NCK2: variants seen among roughly 807,000 people sequenced by gnomAD.
NCK2 encodes NCK adaptor protein 2.
In NCK2, 16 loss-of-function variants were observed where a neutral mutation model predicts 33.9. That is an observed-to-expected ratio of 0.47 (90% confidence interval 0.32 to 0.72). The LOEUF (loss-of-function observed/expected upper bound fraction) is 0.72, where lower values mean the gene tolerates loss of function less well. Among genes scored for constraint, NCK2 ranks in the 30% least tolerant of loss-of-function variants. The probability of loss-of-function intolerance (pLI) is 0.03; values close to 1 mark genes in which losing one functional copy is unlikely to be tolerated. For missense variants in NCK2, 418 were observed against 537.3 expected (o/e 0.78, Z 2.19); for synonymous variants, 273 against 239.9 (o/e 1.14, Z -1.27).
chr2:105,758,582 G>A (rs901616589), intron 1 of NCK2, among the ~76,000 whole-genome samples: 8 of 151,722 alleles, frequency 5.3e-5, no homozygotes, highest in Non-Finnish European at 8.8e-5. Flanking sequence ...GCTAATTTTC[G>A]TATTTTTAGT....
intron 1 of NCK2, among the ~76,000 whole-genome samples, chr2:105,750,704 AT>A (rs1689429316): frequency 6.6e-6 from 1 of 152,206 alleles, no homozygotes. Context: ...TCTTGACTTG[AT>A]TTCATTTATG....
chr2:105,878,232 T>A (rs529582876), intron 3 of NCK2, among the ~76,000 whole-genome samples: 7 of 152,356 alleles, frequency 4.6e-5, no homozygotes, highest in Non-Finnish European at 8.8e-5. Flanking sequence ...CTTCCTGTGC[T>A]TTATAGCATC....
At chr2:105,767,766 T>A (rs1689994352) in intron 1 of NCK2, among the ~76,000 whole-genome samples, 1 of 152,194 alleles carries the variant, frequency 6.6e-6, no homozygotes, top group African/African-American at 2.4e-5. Flanking sequence ...GGTTTGAGGT[T>A]TCCGTGCCCG....
intron 4 of NCK2, among the ~76,000 whole-genome samples, chr2:105,884,349 G>A (rs531683563): frequency 6.6e-6 from 1 of 152,142 alleles, no homozygotes; most frequent in Non-Finnish European, 1.5e-5. Flanking sequence ...GAGCCCTTAG[G>A]TTCATGATCT....
intron 1 of NCK2, among the ~76,000 whole-genome samples, chr2:105,765,454 T>C (rs553262549): frequency 1.3e-5 from 2 of 152,330 alleles, no homozygotes; most frequent in South Asian, 4.1e-4. Flanking sequence ...TCTTGGCTTT[T>C]CCTTTCGAGC....
chr2:105,839,974 T>C (rs1573186219), intron 2 of NCK2, among the ~76,000 whole-genome samples: 1 of 152,088 alleles, frequency 6.6e-6, no homozygotes, highest in Non-Finnish European at 1.5e-5. Flanking sequence ...TCTGCTGTAG[T>C]GGACATGCAG....
intron 1 of NCK2, among the ~76,000 whole-genome samples, chr2:105,751,520 C>G (rs545790126): frequency 1.3e-5 from 2 of 152,182 alleles, no homozygotes; most frequent in African/African-American, 4.8e-5. Flanking sequence ...CTGTTTCTCC[C>G]AGCATCTAAA....
intron 1 of NCK2, among the ~76,000 whole-genome samples, chr2:105,793,723 A>C (rs1690973811): frequency 6.6e-6 from 1 of 152,232 alleles, no homozygotes; most frequent in African/African-American, 2.4e-5. Context: ...AGCCTTGGCC[A>C]GCGAAAGCTG....
intron 1 of NCK2, among the ~76,000 whole-genome samples, chr2:105,761,835 A>G (rs1322627118): frequency 6.6e-6 from 1 of 152,230 alleles, no homozygotes; most frequent in African/African-American, 2.4e-5. Context: ...AGCCGTGATC[A>G]GGCCCCTGTA....
At chr2:105,765,665 G>GTT (rs1689911324) in intron 1 of NCK2, among the ~76,000 whole-genome samples, 1 of 125,682 alleles carries the variant, frequency 8.0e-6, no homozygotes, top group Admixed American at 8.2e-5. Context: ...GTGGGTAGTG[G>GTT]GTTTTTTTTT....
intron 3 of NCK2, among the ~76,000 whole-genome samples, chr2:105,868,805 C>T (rs557717863): frequency 1.9e-4 from 29 of 152,294 alleles, no homozygotes; most frequent in Middle Eastern, 3.4e-3. Flanking sequence ...TCTGGAAAGG[C>T]GATAGCCTGG....
intron 1 of NCK2, among the ~76,000 whole-genome samples, chr2:105,790,775 G>C (rs1312436756): frequency 6.6e-6 from 1 of 152,178 alleles, no homozygotes; most frequent in Non-Finnish European, 1.5e-5. Context: ...TGTCCAGGTG[G>C]GTCTCTCGCT....
intron 1 of NCK2, among the ~76,000 whole-genome samples, chr2:105,750,037 A>AACACACACACACACACACACAC (rs72315025): frequency 0.017 from 2,509 of 144,454 alleles, 46 homozygotes; most frequent in East Asian, 0.043. Context: ...AAAGCAAACA[A>AACACACACACACACACACACAC]ACACACACAC....
rs182208474 is a variant in NCK2, at chr2:105,871,893, C to T, written c.227-9435C>T. ...ACCTTAGAGAGCGGGGAGGAAACTA[C>T]ATGACACCTGACAACAACAGGAACC... is the stretch of plus-strand genomic sequence containing the variant. On this transcript the variant is annotated intron_variant, in intron 3 of 4. Transcript: ENST00000233154. Among the ~76,000 whole-genome samples the T allele has an allele frequency of 1.0e-3, 156 of 152,286 alleles. 2 individuals are homozygous for T. Among genetic ancestry groups the T allele is most frequent in the African/African-American group, 3.7e-3 (152 of 41,572 alleles).
chr2:105,777,195 C>T (rs10178272), intron 1 of NCK2, among the ~76,000 whole-genome samples: 1 of 152,086 alleles, frequency 6.6e-6, no homozygotes, highest in Non-Finnish European at 1.5e-5. Context: ...ACCTTCTACT[C>T]TCGTCACTGC....
rs983511937 is a variant in NCK2 at position 105,766,385 on chromosome 2, G to A, written c.-201+21247G>A. Among the ~76,000 whole-genome samples the A allele has an allele frequency of 4.6e-5, 7 of 152,070 alleles. No homozygotes were observed. In the East Asian group the frequency reaches 7.7e-4, roughly 17 times the overall value. ...GTTGCCCAGGCTGGAGTGCAGTGCC[G>A]CCATCATGGCTCACTGTGGCCTCGA... On this transcript the variant is annotated intron_variant, in intron 1 of 4. Coordinates refer to ENST00000233154, the MANE Select transcript of NCK2 (RefSeq NM_003581.5).
At chr2:105,820,516 GT>G (rs1675686674) in intron 2 of NCK2, among the ~76,000 whole-genome samples, 1 of 152,126 alleles carries the variant, frequency 6.6e-6, no homozygotes, top group South Asian at 2.1e-4. Context: ...TCCCTACCCT[GT>G]TTTCTGGTCT....
At chr2:105,815,526 G>A (rs1675447228) in intron 1 of NCK2, among the ~76,000 whole-genome samples, 1 of 152,090 alleles carries the variant, frequency 6.6e-6, no homozygotes, top group South Asian at 2.1e-4. Flanking sequence ...AGTGCTCCAG[G>A]GTCCCCTCGA....
At chr2:105,814,530 T>C (rs935658768) in intron 1 of NCK2, among the ~76,000 whole-genome samples, 8 of 152,176 alleles carry the variant, frequency 5.3e-5, no homozygotes, top group Admixed American at 2.6e-4. Flanking sequence ...TCCAGCTCAT[T>C]GTTCTTTTGC....
Sources: gnomAD v4.1 joint callset for allele counts (sites outside exome capture counted in the v4.1 genomes callset) on GRCh38, gnomAD v4.1.1 for gene constraint, MANE v1.5 for transcripts, NCBI Gene and HGNC (gene_info 2026-07-23, HGNC 2026-07-21) for gene names.